Variants in PTPRD observed in about 807,000 individuals in gnomAD.
The protein encoded by PTPRD is protein tyrosine phosphatase receptor type D.
In PTPRD, 34 loss-of-function variants were observed where a neutral mutation model predicts 214.5. The ratio of observed to expected loss-of-function variants is 0.16; its 90% CI spans 0.12 to 0.21. The LOEUF is 0.21. Ranked by LOEUF, PTPRD falls within the 10% of genes least tolerant of loss-of-function variation. PTPRD has a pLI of 1.00. For missense variants in PTPRD, 2,545 were observed against 2,398.7 expected, an observed-to-expected ratio of 1.06 and a Z score of -1.27; for synonymous variants, 1,128 against 845.7, an observed-to-expected ratio of 1.33 and a Z score of -5.79.
intron 11 of PTPRD, among the ~76,000 whole-genome samples, chr9:8,907,221 G>A (rs1047225851): frequency 2.0e-5 from 3 of 152,014 alleles, no homozygotes; most frequent in Non-Finnish European, 4.4e-5. Flanking sequence ...ATCCAGAGCT[G>A]CCACAATATG....
At chr9:9,859,356 G>A (rs1168698560) in intron 5 of PTPRD, among the ~76,000 whole-genome samples, 1 of 152,140 alleles carries the variant, frequency 6.6e-6, no homozygotes, top group Non-Finnish European at 1.5e-5. Context: ...TGGACTATTG[G>A]TGTTGAGGAA....
chr9:9,292,477 A>G (rs1595293147), intron 9 of PTPRD, among the ~76,000 whole-genome samples: 1 of 151,424 alleles, frequency 6.6e-6, no homozygotes, highest in African/African-American at 2.4e-5. Context: ...ATATTTTAGA[A>G]TACTTTAACA....
chr9:10,316,004 A>G (rs531450189), intron 3 of PTPRD, among the ~76,000 whole-genome samples: 1 of 151,892 alleles, frequency 6.6e-6, no homozygotes, highest in African/African-American at 2.4e-5. Context: ...AGAAAATAAG[A>G]GATAGTTTAA....
chr9:8,446,729 A>T (rs983560980), intron 34 of PTPRD, among the ~76,000 whole-genome samples: 1 of 152,316 alleles, frequency 6.6e-6, no homozygotes, highest in Admixed American at 6.5e-5. Context: ...CAGAGAGTGA[A>T]ATGTAAATAA....
intron 14 of PTPRD, among the ~76,000 whole-genome samples, chr9:8,625,568 C>T (rs1319117703): frequency 1.3e-5 from 2 of 151,372 alleles, no homozygotes; most frequent in African/African-American, 2.4e-5. Flanking sequence ...TGGGAAAATA[C>T]AAACTATGAT....
At position 10,239,674 on chromosome 9, in the gene PTPRD, C is replaced by A. The variant is rs1218475387; in HGVS notation, c.-545+101289G>T. Among the ~76,000 whole-genome samples, 3 of 149,662 alleles carry A rather than the reference C, an allele frequency of 2.0e-5. 1 individual carries two copies. Among genetic ancestry groups the A allele is most frequent in the African/African-American group, 7.3e-5 (3 of 41,056 alleles). On this transcript the variant is annotated intron_variant, in intron 3 of 45. Transcript: ENST00000381196. ...TTGCTGAGAGCTTAGTGGTGTGACA[C>A]TATAGGAAATATGATAACTACTGAA...
At chr9:9,167,709 C>T (rs1219803762) in intron 10 of PTPRD, among the ~76,000 whole-genome samples, 2 of 152,158 alleles carry the variant, frequency 1.3e-5, no homozygotes, top group African/African-American at 2.4e-5. Flanking sequence ...GAGCCGAGAT[C>T]GCGCCATTGC....
At chr9:9,599,773 T>C (rs1441514265) in intron 7 of PTPRD, among the ~76,000 whole-genome samples, 1 of 151,928 alleles carries the variant, frequency 6.6e-6, no homozygotes, top group Non-Finnish European at 1.5e-5. Context: ...AAACACAAGC[T>C]TAAAAATAAA....
At chr9:8,606,946 T>C (rs1186249648) in intron 14 of PTPRD, among the ~76,000 whole-genome samples, 5 of 152,160 alleles carry the variant, frequency 3.3e-5, no homozygotes, top group African/African-American at 9.7e-5. Flanking sequence ...AAGAAAACCT[T>C]ACTTGAATGC....
At position 10,331,947 on chromosome 9, in the gene PTPRD, T is replaced by C. The variant is rs188381238; in HGVS notation, c.-545+9016A>G. On this transcript the variant is annotated intron_variant, in intron 3 of 45. Transcript: ENST00000381196. ...TTATCTCAATGTTCAGGGTAGGGGA[T>C]TAAGCAAGGAGAAGGATATATCGAA... Among the ~76,000 whole-genome samples, 7 of 151,980 alleles carry C rather than the reference T, an allele frequency of 4.6e-5. No individual in the cohort carries two copies. In the East Asian group the frequency reaches 1.2e-3, roughly 25 times the overall value.
At chr9:10,369,852 G>A (rs989082389) in intron 2 of PTPRD, among the ~76,000 whole-genome samples, 3 of 151,908 alleles carry the variant, frequency 2.0e-5, no homozygotes, top group Admixed American at 2.0e-4. Context: ...TAAGTTTTAA[G>A]AAAGCATAAA....
Position 8,521,380 on chromosome 9 carries a change from T to G in PTPRD, c.858A>C (p.Arg286Ser), listed in dbSNP as rs752811375. The G allele has an allele frequency of 6.2e-7, 1 of 1,614,052 alleles. No homozygotes were observed. The change falls in exon 20 of 46, where the codon AGA becomes AGC. Residue 286 changes from arginine to serine, a missense_variant. Coordinates refer to ENST00000381196, the MANE Select transcript of PTPRD (RefSeq NM_002839.4). ...LTPEDDMPIGRNVLELNDVRQ... is the reference protein window; with the variant it reads ...LTPEDDMPIGSNVLELNDVRQ... ...TTACATCATTCAGTTCTAGCACATT[T>G]CTTCCTATTGGCATATCATCTTCAG...
intron 7 of PTPRD, among the ~76,000 whole-genome samples, chr9:9,637,979 C>T (rs1007683468): frequency 1.3e-5 from 2 of 152,170 alleles, no homozygotes; most frequent in African/African-American, 4.8e-5. Context: ...TGCCTTAGGT[C>T]CCTGGCCCTC....
intron 8 of PTPRD, among the ~76,000 whole-genome samples, chr9:9,419,164 C>CACACAA (rs1166986294): frequency 6.7e-6 from 1 of 150,330 alleles, no homozygotes; most frequent in African/African-American, 2.4e-5. Context: ...CACACACACA[C>CACACAA]AAGCATGATA....
chr9:8,800,745 C>T (rs888136009), intron 11 of PTPRD, among the ~76,000 whole-genome samples: 16 of 152,204 alleles, frequency 1.1e-4, no homozygotes, highest in African/African-American at 3.9e-4. Flanking sequence ...AATAAACTCA[C>T]TTTCACTTTA....
At chr9:9,550,785 A>G (rs1269029077) in intron 8 of PTPRD, among the ~76,000 whole-genome samples, 1 of 151,948 alleles carries the variant, frequency 6.6e-6, no homozygotes, top group East Asian at 1.9e-4. Flanking sequence ...GCAAAGGAGC[A>G]AAAGACATGA....
chr9:9,408,402 AT>A (rs1280191742), intron 8 of PTPRD, among the ~76,000 whole-genome samples: 1 of 151,844 alleles, frequency 6.6e-6, no homozygotes, highest in Non-Finnish European at 1.5e-5. Flanking sequence ...AATATAAATG[AT>A]TCTAAAATGT....
intron 36 of PTPRD, among the ~76,000 whole-genome samples, chr9:8,402,098 C>T (rs182420991): frequency 6.0e-4 from 92 of 152,194 alleles, no homozygotes; most frequent in Non-Finnish European, 1.0e-3. Context: ...TGCTGGTTAG[C>T]GCTTAGTTTA....
intron 10 of PTPRD, among the ~76,000 whole-genome samples, chr9:9,075,406 ATTAT>A (rs774531591): frequency 1.3e-5 from 2 of 151,764 alleles, no homozygotes; most frequent in Admixed American, 6.6e-5. Context: ...CGATATCGGT[ATTAT>A]TTATTTTTAT....
Sources: allele counts gnomAD v4.1 joint callset (sites outside exome capture counted in the v4.1 genomes callset), GRCh38; gene constraint gnomAD v4.1.1; transcripts MANE v1.5; gene names NCBI Gene and HGNC (gene_info 2026-07-23, HGNC 2026-07-21).